Variants in CDH13 observed in about 807,000 individuals in gnomAD.
The protein encoded by CDH13 is cadherin 13, also known as cadherin-13.
A neutral mutation model predicts 63.8 loss-of-function variants in CDH13; 24 were observed. The ratio of observed to expected loss-of-function variants is 0.38; its 90% confidence interval spans 0.27 to 0.53. The LOEUF is 0.53. Ranked by LOEUF, CDH13 falls within the 20% of genes least tolerant of loss-of-function variation. CDH13 has a pLI of 0.85. For missense variants in CDH13, 1,049 were observed against 903.1 expected (o/e 1.16, Z -2.07); for synonymous variants, 503 against 355.3 (o/e 1.42, Z -4.67).
intron 4 of CDH13, among the ~76,000 whole-genome samples, chr16:83,147,555 T>G (rs1476973004): frequency 1.3e-5 from 2 of 152,204 alleles, no homozygotes; most frequent in Non-Finnish European, 2.9e-5. Context: ...ACAGCTGTCC[T>G]GTTATTTGTG....
chr16:83,190,951 G>A (rs2038677859), intron 4 of CDH13, among the ~76,000 whole-genome samples: 1 of 151,770 alleles, frequency 6.6e-6, no homozygotes, highest in South Asian at 2.1e-4. Context: ...TTCTCAGTTG[G>A]CTCATTTTGG....
chr16:83,338,899 G>A (rs1387309722), intron 5 of CDH13, among the ~76,000 whole-genome samples: 1 of 152,200 alleles, frequency 6.6e-6, no homozygotes, highest in Non-Finnish European at 1.5e-5. Context: ...CAAAGCAAAG[G>A]TATTTGCTGT....
At chr16:83,560,656 G>C (rs139081428) in intron 7 of CDH13, among the ~76,000 whole-genome samples, 20 of 152,306 alleles carry the variant, frequency 1.3e-4, no homozygotes, top group Admixed American at 3.9e-4. Context: ...AATGGTCATT[G>C]GTCCCTGGGC....
chr16:83,489,082 T>A (rs2073955271), intron 7 of CDH13, among the ~76,000 whole-genome samples: 1 of 152,212 alleles, frequency 6.6e-6, no homozygotes, highest in South Asian at 2.1e-4. Context: ...TCTCACAAGA[T>A]CCTTTCACAA....
chr16:83,104,863 T>C (rs954185152), intron 3 of CDH13, among the ~76,000 whole-genome samples: 1 of 152,192 alleles, frequency 6.6e-6, no homozygotes, highest in Non-Finnish European at 1.5e-5. Flanking sequence ...AATAAGGATC[T>C]GAAAAATGGA....
At chr16:82,746,446 A>G (rs2034179089) in intron 1 of CDH13, among the ~76,000 whole-genome samples, 1 of 152,108 alleles carries the variant, frequency 6.6e-6, no homozygotes, top group Admixed American at 6.5e-5. Context: ...AGATTCCAGA[A>G]TTTCATATTC....
intron 1 of CDH13, among the ~76,000 whole-genome samples, chr16:82,657,125 C>G (rs1366478101): frequency 1.3e-5 from 2 of 152,036 alleles, no homozygotes; most frequent in East Asian, 1.9e-4. Flanking sequence ...TTCCCAGACA[C>G]CCAATGGATG....
intron 7 of CDH13, among the ~76,000 whole-genome samples, chr16:83,527,446 C>A (rs1368900869): frequency 6.8e-6 from 1 of 146,974 alleles, no homozygotes; most frequent in African/African-American, 2.7e-5. Flanking sequence ...GAGACCCCAT[C>A]TCAAAAAAAA....
At chr16:82,780,770 C>G (rs181122206) in intron 1 of CDH13, among the ~76,000 whole-genome samples, 1 of 152,236 alleles carries the variant, frequency 6.6e-6, no homozygotes, top group South Asian at 2.1e-4. Context: ...TTTTCTTTCA[C>G]GCTGGTTCAT....
chr16:83,467,908 C>G (rs1274059069), intron 6 of CDH13, among the ~76,000 whole-genome samples: 1 of 152,168 alleles, frequency 6.6e-6, no homozygotes, highest in South Asian at 2.1e-4. Context: ...CAGGGTGAAT[C>G]AAGGCTTTCT....
intron 3 of CDH13, among the ~76,000 whole-genome samples, chr16:83,051,132 A>G: frequency 6.6e-6 from 1 of 152,142 alleles, no homozygotes; most frequent in Non-Finnish European, 1.5e-5. Context: ...AATAACTGTG[A>G]TCATATCATG....
At chr16:83,164,476 G>A (rs1438943540) in intron 4 of CDH13, among the ~76,000 whole-genome samples, 2 of 152,056 alleles carry the variant, frequency 1.3e-5, no homozygotes, top group Admixed American at 6.6e-5. Context: ...GTCTGTTTCA[G>A]AAATGTCTAG....
At chr16:83,535,778 T>C (rs116644982) in intron 7 of CDH13, among the ~76,000 whole-genome samples, 170 of 145,936 alleles carry the variant, frequency 1.2e-3, no homozygotes, top group African/African-American at 4.1e-3. Flanking sequence ...GGACAGTGCT[T>C]GACACAGAGG....
chr16:82,880,176 G>A lies in CDH13; in HGVS notation c.157+21703G>A, dbSNP rs1004128345. Among the ~76,000 whole-genome samples, 5 of 151,610 alleles carry A rather than the reference G, an allele frequency of 3.3e-5. No individual in the cohort carries two copies. The South Asian group carries it at 6.3e-4, about 19-fold the overall frequency. On this transcript the variant is annotated intron_variant, in intron 2 of 13. Coordinates refer to ENST00000567109, the MANE Select transcript of CDH13 (RefSeq NM_001257.5). The stretch of plus-strand genomic sequence containing the variant: ...GTGTATATTTCAGTCTCTTTGTATC[G>A]CCCTATATATTTTCCACTTTGCAAT...
At chr16:82,654,280 T>C (rs1044227564) in intron 1 of CDH13, among the ~76,000 whole-genome samples, 1 of 152,158 alleles carries the variant, frequency 6.6e-6, no homozygotes, top group Non-Finnish European at 1.5e-5. Context: ...CATGGTGGTC[T>C]TGGTTTCTTA....
chr16:83,658,033 T>A (rs1913038340), intron 8 of CDH13, among the ~76,000 whole-genome samples: 1 of 89,836 alleles, frequency 1.1e-5, no homozygotes, highest in Non-Finnish European at 2.4e-5. Flanking sequence ...CCAGGTCCCA[T>A]GTCCTCACCA....
chr16:82,734,879 C>T (rs764532822), intron 1 of CDH13, among the ~76,000 whole-genome samples: 14 of 152,152 alleles, frequency 9.2e-5, no homozygotes, highest in Admixed American at 2.0e-4. Flanking sequence ...GCCTGCTGAC[C>T]GCACTCCCAG....
intron 1 of CDH13, among the ~76,000 whole-genome samples, chr16:82,678,194 G>C (rs1025052625): frequency 6.6e-6 from 1 of 151,962 alleles, no homozygotes; most frequent in South Asian, 2.1e-4. Context: ...ATGGATGGGA[G>C]GATGATTTAT....
chr16:83,180,841 C>T (rs2038322977), intron 4 of CDH13: 4 of 1,465,464 alleles, frequency 2.7e-6, no homozygotes, highest in Non-Finnish European at 2.8e-6. Context: ...CCCCAATTTA[C>T]AACAAAATGT....
Sources: gnomAD v4.1 joint callset for allele counts (sites outside exome capture counted in the v4.1 genomes callset) on GRCh38, gnomAD v4.1.1 for gene constraint, MANE v1.5 for transcripts, NCBI Gene and HGNC (gene_info 2026-07-23, HGNC 2026-07-21) for gene names.